Variants in TGFBR3 observed in about 807,000 individuals in gnomAD.
TGFBR3 encodes transforming growth factor beta receptor 3, also known as transforming growth factor beta receptor type 3.
Under a neutral mutation model 87.9 loss-of-function variants are expected in TGFBR3, and 46 were observed. The observed-to-expected ratio is 0.52, with a 90% CI of 0.41 to 0.67. The LOEUF (loss-of-function observed/expected upper bound fraction) is 0.67, where lower values mean the gene tolerates loss of function less well. Among genes scored for constraint, TGFBR3 ranks in the 30% least tolerant of loss-of-function variants. TGFBR3 has a pLI of 0.00. For missense variants in TGFBR3, 866 were observed against 1,041.9 expected (o/e 0.83, Z 2.32); for synonymous variants, 381 against 391.6 (o/e 0.97, Z 0.32).
At chr1:91,867,830 G>A (rs962014199) in intron 1 of TGFBR3, among the ~76,000 whole-genome samples, 1 of 152,290 alleles carries the variant, frequency 6.6e-6, no homozygotes, top group African/African-American at 2.4e-5. Flanking sequence ...GCCCTCATCT[G>A]TAAAATGGTA....
chr1:91,687,783 T>C lies in TGFBR3; in HGVS notation c.2438-3926A>G, dbSNP rs755247008. Among the ~76,000 whole-genome samples the C allele has an allele frequency of 1.8e-4, 28 of 152,182 alleles. 1 individual carries two copies. Among genetic ancestry groups the C allele is most frequent in the Admixed American group, 1.7e-3 (26 of 15,280 alleles). On this transcript the variant is annotated intron_variant, in intron 16 of 16. Coordinates refer to ENST00000212355, the MANE Select transcript of TGFBR3 (RefSeq NM_003243.5). ...GCTGATTATGAGGATTGGTTAGTTATAGAGGGAATTTATGGAATCTCCTTC... is the reference window on the plus strand; with the variant it reads ...GCTGATTATGAGGATTGGTTAGTTACAGAGGGAATTTATGGAATCTCCTTC...
rs2029357 is a variant in TGFBR3, at chr1:91,782,264, C to T, written c.246+15023G>A. ...CGTTCAGAATAGAAGGGAGGGTGATCGGCCCCCAGAAGTCTTTTGGGGCCA... is the reference window on the plus strand; with the variant it reads ...CGTTCAGAATAGAAGGGAGGGTGATTGGCCCCCAGAAGTCTTTTGGGGCCA... On this transcript the variant is annotated intron_variant, in intron 3 of 16. Coordinates refer to ENST00000212355, the MANE Select transcript of TGFBR3 (RefSeq NM_003243.5). Among the ~76,000 whole-genome samples, 561 of 152,280 alleles carry T rather than the reference C, an allele frequency of 3.7e-3. 3 individuals are homozygous for T. The highest frequency in any genetic ancestry group is 0.013 in the African/African-American group (543 of 41,552).
chr1:91,782,327 G>A (rs981066749), intron 3 of TGFBR3, among the ~76,000 whole-genome samples: 1 of 152,206 alleles, frequency 6.6e-6, no homozygotes, highest in Non-Finnish European at 1.5e-5. Flanking sequence ...TGGAAATTAA[G>A]CTCTTCAGTT....
intron 1 of TGFBR3, among the ~76,000 whole-genome samples, chr1:91,884,815 A>G (rs1190038920): frequency 2.0e-5 from 3 of 152,264 alleles, no homozygotes; most frequent in African/African-American, 7.2e-5. Context: ...CTCTGCATTC[A>G]GGAAGAAGAA....
intron 2 of TGFBR3, among the ~76,000 whole-genome samples, chr1:91,823,560 C>T (rs535511944): frequency 4.3e-4 from 65 of 152,236 alleles, no homozygotes; most frequent in Non-Finnish European, 7.2e-4. Context: ...ATTACTAATA[C>T]ATGCAACAAC....
chr1:91,727,893 G>C (rs756904055), intron 6 of TGFBR3, 87 bp from the exon 7 acceptor site: 6 of 1,513,768 alleles, frequency 4.0e-6, no homozygotes, highest in Non-Finnish European at 5.4e-6. Context: ...CATGTTTCTA[G>C]TGTCTGGCCA....
chr1:91,750,695 T>G (rs1283971624), intron 4 of TGFBR3, among the ~76,000 whole-genome samples: 1 of 152,200 alleles, frequency 6.6e-6, no homozygotes, highest in Non-Finnish European at 1.5e-5. Context: ...AGAGAGAATT[T>G]ATCTGGGGAA....
intron 10 of TGFBR3, among the ~76,000 whole-genome samples, chr1:91,718,881 G>A (rs1672266929): frequency 6.6e-6 from 1 of 152,188 alleles, no homozygotes; most frequent in Non-Finnish European, 1.5e-5. Flanking sequence ...GAAGGAGGGA[G>A]AAGTTCTCCT....
At chr1:91,691,267 T>C (rs1320119888) in intron 16 of TGFBR3, among the ~76,000 whole-genome samples, 1 of 152,174 alleles carries the variant, frequency 6.6e-6, no homozygotes, top group Non-Finnish European at 1.5e-5. Context: ...AAAATCTCAG[T>C]ACTGAAAGAT....
chr1:91,740,668 G>A (rs1673131454), intron 4 of TGFBR3, among the ~76,000 whole-genome samples: 1 of 152,166 alleles, frequency 6.6e-6, no homozygotes, highest in Non-Finnish European at 1.5e-5. Flanking sequence ...CCCGGTCACA[G>A]GATTACTATT....
At chr1:91,762,054 T>C (rs562922354) in intron 3 of TGFBR3, among the ~76,000 whole-genome samples, 24 of 152,260 alleles carry the variant, frequency 1.6e-4, no homozygotes, top group Middle Eastern at 3.4e-3. Context: ...GGTTAACAGC[T>C]TTGTCTATGG....
chr1:91,790,436 G>A (rs142916755), intron 3 of TGFBR3, among the ~76,000 whole-genome samples: 307 of 152,268 alleles, frequency 2.0e-3, no homozygotes, highest in Non-Finnish European at 2.5e-3. Context: ...ACATTTCTCT[G>A]AATGTGTCTC....
At chr1:91,819,370 A>G (rs977133669) in intron 2 of TGFBR3, among the ~76,000 whole-genome samples, 3 of 78,264 alleles carry the variant, frequency 3.8e-5, no homozygotes, top group African/African-American at 1.1e-4. Flanking sequence ...TCCGTCTGGG[A>G]AAAAAAAAAA....
chr1:91,770,855 T>G (rs937019585), intron 3 of TGFBR3: 2 of 152,172 alleles, frequency 1.3e-5, no homozygotes, highest in Non-Finnish European at 2.9e-5. Flanking sequence ...ACCCCTTTTC[T>G]CTAGGATGTG....
At chr1:91,777,085 C>T (rs1463632893) in intron 3 of TGFBR3, among the ~76,000 whole-genome samples, 2 of 152,162 alleles carry the variant, frequency 1.3e-5, no homozygotes, top group Admixed American at 6.5e-5. Context: ...CTGGCAGGTA[C>T]CTTCCAAAAA....
intron 7 of TGFBR3, among the ~76,000 whole-genome samples, chr1:91,725,380 C>G (rs747538288): frequency 6.6e-6 from 1 of 152,200 alleles, no homozygotes; most frequent in Non-Finnish European, 1.5e-5. Context: ...TATAGACACT[C>G]TGAAAGAGTT....
intron 2 of TGFBR3, among the ~76,000 whole-genome samples, chr1:91,810,714 A>T (rs1438875412): frequency 6.6e-6 from 1 of 152,172 alleles, no homozygotes; most frequent in Non-Finnish European, 1.5e-5. Flanking sequence ...TTAGCCTTTT[A>T]ACCTGGGGCA....
intron 2 of TGFBR3, among the ~76,000 whole-genome samples, chr1:91,818,277 CCTTTTTTTTTTTTTTTTTTTTTT>C (rs1189893412): frequency 0.3 from 36,731 of 122,782 alleles, 6,919 homozygotes; most frequent in Non-Finnish European, 0.33. Flanking sequence ...TTAGCCCCAG[CCTTTTTTTTTTTTTTTTTTTTTT>C]TTTTTTTTTT....
At chr1:91,733,640 T>C (rs1672851538) in intron 5 of TGFBR3, among the ~76,000 whole-genome samples, 1 of 152,206 alleles carries the variant, frequency 6.6e-6, no homozygotes, top group Non-Finnish European at 1.5e-5. Flanking sequence ...TTAAACGCAG[T>C]GTTCACACAA....
Sources: allele counts gnomAD v4.1 joint callset (sites outside exome capture counted in the v4.1 genomes callset), GRCh38; gene constraint gnomAD v4.1.1; transcripts MANE v1.5; gene names NCBI Gene and HGNC (gene_info 2026-07-23, HGNC 2026-07-21).